Variants in DKKL1 observed in about 807,000 individuals in gnomAD.
DKKL1 encodes the protein dickkopf-like protein 1.
A neutral mutation model predicts 16.5 loss-of-function variants in DKKL1; 11 were observed. The observed-to-expected ratio is 0.67, with a 90% CI of 0.42 to 1.10. The LOEUF (loss-of-function observed/expected upper bound fraction) is 1.10, where lower values mean the gene tolerates loss of function less well. Ranked by LOEUF, DKKL1 falls within the 50% of genes least tolerant of loss-of-function variation. The pLI, the probability that DKKL1 is intolerant of heterozygous loss-of-function variation, is 0.00. For missense variants in DKKL1, 320 were observed against 308.1 expected (o/e 1.04, Z -0.29); for synonymous variants, 119 against 133.2 (o/e 0.89, Z 0.73).
At chr19:49,369,157 A>G (rs1402376554) in intron 4 of DKKL1, 1 of 152,140 alleles carries the variant, frequency 6.6e-6, no homozygotes, top group Non-Finnish European at 1.5e-5. Context: ...CTTTCTACAG[A>G]AAGTAAAATT....
Position 49,375,001 on chromosome 19 carries a change from C to A in DKKL1, c.702C>A (p.Tyr234Ter), listed in dbSNP as rs141769377. The A allele has an allele frequency of 3.5e-4, 565 of 1,611,790 alleles. No homozygotes were observed. The highest frequency in any genetic ancestry group is 6.8e-4 in the South Asian group (62 of 90,746). Residue 234 changes from tyrosine (Y) to a stop codon, truncating the protein, a stop_gained, in exon 5 of 5, where the codon TAC becomes TAA. Transcript: ENST00000221498. LOFTEE classifies it high-confidence loss of function. The stretch of plus-strand genomic sequence containing the variant: ...CCCCCCGAAAGACCCACTTACTGTA[C>A]ATCCTCAGGCCCTCTCGGCAGCTGT... ...RLSPRKTHLL[Y>*]ILRPSRQL
At chr19:49,362,588 G>C (rs1163864842), upstream of DKKL1, 1 of 152,216 alleles carries the variant, frequency 6.6e-6, no homozygotes, top group African/African-American at 2.4e-5. Context: ...CTCAGGATTT[G>C]GGTGCTTGGG....
upstream of DKKL1, among the ~76,000 whole-genome samples, chr19:49,363,339 G>C (rs961294253): frequency 1.3e-5 from 2 of 152,258 alleles, no homozygotes; most frequent in East Asian, 1.9e-4. Context: ...GGACTTTTTA[G>C]TGGAGCGGGA....
intron 2 of DKKL1, 31 bp downstream of exon 2, chr19:49,364,785 G>A (rs1170688405): frequency 1.2e-6 from 2 of 1,601,504 alleles, no homozygotes; most frequent in Admixed American, 3.4e-5. Flanking sequence ...GGGGGAAGAA[G>A]TACTGAGAAG....
Position 49,364,768 on chromosome 19 carries a change from G to C in DKKL1, c.183+14G>C. On this transcript the variant is annotated intron_variant, in intron 2 of 4. Coordinates refer to ENST00000221498, the MANE Select transcript of DKKL1 (RefSeq NM_014419.4). ...CTTTTCCTGAAAGTAAGCGATGGCG[G>C]GGGGATGGGGGAAGAAGTACTGAGA... 2 of 1,608,876 alleles carry C rather than the reference G, an allele frequency of 1.2e-6. No homozygotes were observed. Among genetic ancestry groups the C allele is most frequent in the South Asian group, 2.2e-5 (2 of 90,216 alleles).
chr19:49,360,799 AGG>A (rs66557222), upstream of DKKL1, among the ~76,000 whole-genome samples: 1 of 46,212 alleles, frequency 2.2e-5, no homozygotes, highest in African/African-American at 1.2e-4. Context: ...GAGACCAGCA[AGG>A]GGGGGGGACA....
At position 49,365,799 on chromosome 19, in the gene DKKL1, G is replaced by A. The variant is rs143996849; in HGVS notation, c.331G>A (p.Asp111Asn). Residue 111 changes from aspartate (D) to asparagine (N), a missense_variant, in exon 4 of 5, where the codon GAC becomes AAC. Physicochemically the swap from Asp to Asn is conservative, Grantham distance 23. Coordinates refer to ENST00000221498, the MANE Select transcript of DKKL1 (RefSeq NM_014419.4). ...TCTCATCGGATCCTCACAGATGACC[G>A]ACAACAAGACAGGAGAGGTGCTGAT... ...SSHLQIDKMTDNKTGEVLISE... is the reference protein window; with the variant it reads ...SSHLQIDKMTNNKTGEVLISE... The A allele has an allele frequency of 1.2e-5, 20 of 1,613,716 alleles. No individual in the cohort carries two copies. The highest frequency in any genetic ancestry group is 3.3e-5 in the Admixed American group (2 of 59,910).
intron 4 of DKKL1, 113 bp downstream of exon 4, chr19:49,365,998 G>A: frequency 2.1e-6 from 2 of 948,598 alleles, no homozygotes; most frequent in South Asian, 1.9e-5. Flanking sequence ...CACGATCTTG[G>A]CTCACTGCAA....
At chr19:49,365,161 C>T (rs541997851) in intron 2 of DKKL1, among the ~76,000 whole-genome samples, 1 of 151,944 alleles carries the variant, frequency 6.6e-6, no homozygotes, top group African/African-American at 2.4e-5. Flanking sequence ...ACAAGGAGAC[C>T]CTGTCTCTAA....
At chr19:49,360,632 A>C (rs948782798), upstream of DKKL1, among the ~76,000 whole-genome samples, 1 of 151,892 alleles carries the variant, frequency 6.6e-6, no homozygotes, top group African/African-American at 2.4e-5. Context: ...GTGTGGGTGA[A>C]ACTTCCCCTG....
At chr19:49,367,944 G>A (rs1973322307) in intron 4 of DKKL1, among the ~76,000 whole-genome samples, 1 of 152,130 alleles carries the variant, frequency 6.6e-6, no homozygotes, top group Non-Finnish European at 1.5e-5. Context: ...GGGAGGCTGA[G>A]GCAGGAGGAT....
rs763487900 is a variant in DKKL1, at chr19:49,364,564, C to T, written c.11-18C>T. The T allele has an allele frequency of 3.7e-6, 6 of 1,602,618 alleles. No homozygotes were observed. In the South Asian group the frequency reaches 6.7e-5, roughly 18 times the overall value. On this transcript the variant is annotated intron_variant, in intron 1 of 4. Coordinates refer to ENST00000221498, the MANE Select transcript of DKKL1 (RefSeq NM_014419.4). ...GCGTGGCCACTGTGCGGGGCTCTGA[C>T]CCCGACCCTTGCCACAGCCTCCCCA...
chr19:49,366,002 A>G, intron 4 of DKKL1, 117 bp downstream of exon 4: 1 of 902,524 alleles, frequency 1.1e-6, no homozygotes. Context: ...ATCTTGGCTC[A>G]CTGCAACCTC....
chr19:49,365,870 C>T lies in DKKL1; in HGVS notation c.402C>T (p.Phe134=), dbSNP rs771227128. 5 of 1,614,028 alleles carry T rather than the reference C, an allele frequency of 3.1e-6. No individual in the cohort carries two copies. The South Asian group carries it at 3.3e-5, about 11-fold the overall frequency. The change falls in exon 4 of 5, where the codon TTC becomes TTT. Residue 134 remains phenylalanine (F), a synonymous_variant. Transcript: ENST00000221498. ...CCATTCAACCAGCGGAGGGGAGCTT[C>T]GAGGGTGATTTGAAGGTTAGGACGT... is the stretch of plus-strand genomic sequence containing the variant. The part of the protein sequence containing the change: ...VASIQPAEGS[F]EGDLKVPRME...
chr19:49,360,973 A>G (rs1972840073), upstream of DKKL1, among the ~76,000 whole-genome samples: 1 of 103,740 alleles, frequency 9.6e-6, no homozygotes, highest in East Asian at 3.4e-4. Context: ...GAGGGGACAG[A>G]GACCCAGAGA....
rs1973576653 is a variant in DKKL1 at position 49,373,247 on chromosome 19, G to T, written c.418-1470G>T. Among the ~76,000 whole-genome samples, 3 of 150,206 alleles carry T rather than the reference G, an allele frequency of 2.0e-5. No individual in the cohort carries two copies. In the South Asian group the frequency reaches 6.4e-4, roughly 32 times the overall value. On this transcript the variant is annotated intron_variant, in intron 4 of 4. Transcript: ENST00000221498. Reference sequence around the variant, plus strand: ...GAACCCAGGAGGCAGAGGCTGCAGTGAGCCGAGATTGTGCCACTGCACTCC... The same window carrying T: ...GAACCCAGGAGGCAGAGGCTGCAGTTAGCCGAGATTGTGCCACTGCACTCC...
intron 1 of DKKL1, 116 bp from the exon 2 acceptor site, chr19:49,364,466 G>C (rs1973171363): frequency 3.8e-6 from 3 of 780,314 alleles, no homozygotes; most frequent in South Asian, 1.8e-5. Context: ...GGGGAAATGA[G>C]CGCGGTGTGG....
Position 49,364,610 on chromosome 19 carries a change from T to C in DKKL1, c.39T>C (p.His13=), listed in dbSNP as rs1287129810. ...EASPPAPARR[H]LLVLLLLLST... ...CCCCACCTGCCCCCGCAAGGCGGCA[T>C]CTGCTGGTCCTGCTGCTGCTCCTCT... Residue 13 remains histidine (H), a synonymous_variant, in exon 2 of 5, where the codon CAT becomes CAC. Transcript: ENST00000221498. 1 of 1,612,888 alleles carries C rather than the reference T, an allele frequency of 6.2e-7. No individual in the cohort carries two copies. The highest frequency in any genetic ancestry group is 2.2e-5 in the East Asian group (1 of 44,878).
chr19:49,370,720 A>C (rs1883036647), intron 4 of DKKL1: 1 of 152,242 alleles, frequency 6.6e-6, no homozygotes, highest in Admixed American at 6.5e-5. Context: ...AGAATTTGCC[A>C]ACAACATCAA....
Sources: gnomAD v4.1 joint callset for allele counts (sites outside exome capture counted in the v4.1 genomes callset) on GRCh38, gnomAD v4.1.1 for gene constraint, MANE v1.5 for transcripts, NCBI Gene and HGNC (gene_info 2026-07-23, HGNC 2026-07-21) for gene names.